Variants in CCDC175 observed in about 807,000 individuals in gnomAD.
CCDC175 encodes the protein coiled-coil domain-containing protein 175.
In CCDC175, 100 loss-of-function variants were observed where a neutral mutation model predicts 114.6. That is an observed-to-expected ratio of 0.87 (90% CI 0.74 to 1.03). CCDC175 has a LOEUF of 1.03. CCDC175 is among the 50% of genes least tolerant of loss of function. The pLI, the probability that CCDC175 is intolerant of heterozygous loss-of-function variation, is 0.00. For missense variants in CCDC175, 880 were observed against 917.8 expected, an observed-to-expected ratio of 0.96 and a Z score of 0.53; for synonymous variants, 306 against 308.7, an observed-to-expected ratio of 0.99 and a Z score of 0.09.
Position 59,506,284 on chromosome 14 carries a change from T to C in CCDC175, c.2306-969A>G, listed in dbSNP as rs887059410. Among the ~76,000 whole-genome samples, 4 of 151,308 alleles carry C rather than the reference T, an allele frequency of 2.6e-5. No homozygotes were observed. In the South Asian group the frequency reaches 6.2e-4, roughly 24 times the overall value. On this transcript the variant is annotated intron_variant, in intron 19 of 19. Coordinates refer to ENST00000537690, the MANE Select transcript of CCDC175 (RefSeq NM_001164399.2). ...GTGTTTGAGCACAGGGATTTTTTTT[T>C]TTTTTTCTTTTTTTTTTTTTGAGAC...
chr14:59,552,115 G>C (rs922682279), intron 7 of CCDC175, among the ~76,000 whole-genome samples: 1 of 152,206 alleles, frequency 6.6e-6, no homozygotes, highest in Non-Finnish European at 1.5e-5. Flanking sequence ...CCTTTGAAGA[G>C]AGTAGTGGTT....
intron 7 of CCDC175, among the ~76,000 whole-genome samples, chr14:59,554,041 C>T (rs1226556399): frequency 5.9e-5 from 9 of 152,146 alleles, no homozygotes; most frequent in African/African-American, 2.2e-4. Flanking sequence ...CCACTGTCAA[C>T]ATTAGACAGA....
chr14:59,535,377 C>A (rs971692922), intron 13 of CCDC175, among the ~76,000 whole-genome samples: 4 of 152,062 alleles, frequency 2.6e-5, no homozygotes, highest in Non-Finnish European at 5.9e-5. Context: ...ATGTATCTTG[C>A]CTAATTGCAC....
At chr14:59,510,573 C>G (rs1280728956) in intron 19 of CCDC175, 73 bp downstream of exon 19, 1 of 1,446,340 alleles carries the variant, frequency 6.9e-7, no homozygotes, top group Admixed American at 2.0e-5. Context: ...GTTTTTTCTT[C>G]TTTTGATGTT....
At chr14:59,509,949 A>T (rs1186473611) in intron 19 of CCDC175, among the ~76,000 whole-genome samples, 6 of 152,056 alleles carry the variant, frequency 3.9e-5, no homozygotes, top group African/African-American at 1.4e-4. Context: ...TTGTTTCATC[A>T]CTCCATCTCT....
chr14:59,513,644 T>C (rs1479327052), intron 17 of CCDC175, among the ~76,000 whole-genome samples: 2 of 152,094 alleles, frequency 1.3e-5, no homozygotes, highest in African/African-American at 4.8e-5. Context: ...TGCTGAGGCT[T>C]GACTAGGTAA....
At chr14:59,572,870 T>C in intron 2 of CCDC175, 57 bp from the exon 3 acceptor site, 1 of 1,031,300 alleles carries the variant, frequency 9.7e-7, no homozygotes, top group Non-Finnish European at 1.4e-6. Flanking sequence ...TAAGATTGAT[T>C]TCCTAAACAA....
At chr14:59,564,193 C>T (rs1199277001) in intron 5 of CCDC175, among the ~76,000 whole-genome samples, 2 of 152,066 alleles carry the variant, frequency 1.3e-5, no homozygotes, top group Non-Finnish European at 2.9e-5. Flanking sequence ...CAGTGGTGAC[C>T]GGATTTACAA....
intron 8 of CCDC175, among the ~76,000 whole-genome samples, chr14:59,550,452 C>G (rs185237719): frequency 1.1e-4 from 17 of 151,728 alleles, no homozygotes; most frequent in Admixed American, 2.6e-4. Context: ...GTGAATTTTC[C>G]TGGGGGCTAA....
chr14:59,539,580 C>CA (rs897215414), intron 11 of CCDC175, among the ~76,000 whole-genome samples: 14 of 143,832 alleles, frequency 9.7e-5, no homozygotes, highest in Middle Eastern at 3.7e-3. Context: ...AACTCTGTCT[C>CA]AAAAAAAAAA....
intron 13 of CCDC175, among the ~76,000 whole-genome samples, chr14:59,535,457 G>T (rs1894338982): frequency 6.6e-6 from 1 of 152,174 alleles, no homozygotes; most frequent in African/African-American, 2.4e-5. Context: ...AAAGGGGATT[G>T]CCCTCATTGT....
chr14:59,553,997 CT>C, intron 7 of CCDC175, among the ~76,000 whole-genome samples: 1 of 152,288 alleles, frequency 6.6e-6, no homozygotes, highest in Non-Finnish European at 1.5e-5. Context: ...GAGACTTAGA[CT>C]CCCACACAAT....
chr14:59,511,270 T>C (rs1199180886), intron 18 of CCDC175, among the ~76,000 whole-genome samples: 1 of 152,204 alleles, frequency 6.6e-6, no homozygotes, highest in Non-Finnish European at 1.5e-5. Flanking sequence ...CCTAGTCCAG[T>C]GTTTTAATAC....
chr14:59,557,409 T>G (rs1408196456), intron 7 of CCDC175, among the ~76,000 whole-genome samples: 1 of 134,236 alleles, frequency 7.4e-6, no homozygotes, highest in Non-Finnish European at 1.5e-5. Flanking sequence ...AGGTGGGAAT[T>G]GAACAATGAG....
intron 17 of CCDC175, among the ~76,000 whole-genome samples, chr14:59,517,451 T>C (rs2139971354): frequency 6.6e-6 from 1 of 152,360 alleles, no homozygotes; most frequent in African/African-American, 2.4e-5. Flanking sequence ...CTCCTTAAGC[T>C]GATAGGCAAC....
At chr14:59,572,665 T>C (rs1445267870) in intron 3 of CCDC175, 37 bp downstream of exon 3, 4 of 1,125,152 alleles carry the variant, frequency 3.6e-6, no homozygotes, top group Non-Finnish European at 5.0e-6. Flanking sequence ...TGTTATAAGA[T>C]CAACTAAATT....
At chr14:59,537,673 C>G (rs957161022) in intron 13 of CCDC175, among the ~76,000 whole-genome samples, 161 of 152,274 alleles carry the variant, frequency 1.1e-3, no homozygotes, top group African/African-American at 3.3e-3. Flanking sequence ...GCATGATACC[C>G]TCTTTTTAAA....
At chr14:59,511,548 TAAAAAAAA>T (rs34490884) in intron 18 of CCDC175, among the ~76,000 whole-genome samples, 1 of 94,648 alleles carries the variant, frequency 1.1e-5, no homozygotes, top group Non-Finnish European at 2.0e-5. Context: ...TGATATTTGG[TAAAAAAAA>T]AAAAAAAAAA....
At chr14:59,540,522 C>T (rs753901188) in intron 11 of CCDC175, among the ~76,000 whole-genome samples, 153 bp downstream of exon 11, 1 of 151,554 alleles carries the variant, frequency 6.6e-6, no homozygotes, top group Non-Finnish European at 1.5e-5. Flanking sequence ...TTAACCAATA[C>T]ATCTAGATCC....
Sources: allele counts gnomAD v4.1 joint callset (sites outside exome capture counted in the v4.1 genomes callset), GRCh38; gene constraint gnomAD v4.1.1; transcripts MANE v1.5; gene names NCBI Gene and HGNC (gene_info 2026-07-23, HGNC 2026-07-21).